Variants in EHMT1 observed in about 807,000 individuals in gnomAD.
EHMT1 encodes histone-lysine N-methyltransferase EHMT1.
Under a neutral mutation model 147.2 loss-of-function variants are expected in EHMT1, and 15 were observed. That is an observed-to-expected ratio of 0.10 (90% CI 0.07 to 0.16). The LOEUF is 0.16. Among genes scored for constraint, EHMT1 ranks in the 10% least tolerant of loss-of-function variants. EHMT1 has a pLI of 1.00. For missense variants in EHMT1, 1,587 were observed against 1,772.4 expected (o/e 0.90, Z 1.88); for synonymous variants, 795 against 709.6 (o/e 1.12, Z -1.91).
chr9:137,680,463 A>ACT lies in EHMT1; in HGVS notation c.22-30501_22-30500dup, dbSNP rs566261601. On this transcript the variant is annotated intron_variant, in intron 1 of 26. Coordinates refer to ENST00000460843, the MANE Select transcript of EHMT1 (RefSeq NM_024757.5). ...ACTCCAGCCTGGGCGACAGAGCCAGACTCTGTCTCAAAAAAACAATTATCA... is the reference window on the plus strand; with the variant it reads ...ACTCCAGCCTGGGCGACAGAGCCAGACTCTCTGTCTCAAAAAAACAATTATCA... 2.0e-5 allele frequency among the ~76,000 whole-genome samples: 3 copies of ACT among 152,262 alleles called. No homozygotes were observed. In the South Asian group the frequency reaches 6.2e-4, roughly 32 times the overall value.
chr9:137,720,467 C>T (rs543814500), intron 3 of EHMT1, among the ~76,000 whole-genome samples: 6 of 152,010 alleles, frequency 3.9e-5, no homozygotes, highest in Non-Finnish European at 2.9e-5. Flanking sequence ...CCCTGCCCGG[C>T]TGATTTTTAT....
intron 10 of EHMT1, among the ~76,000 whole-genome samples, chr9:137,774,250 C>T (rs1950780115): frequency 6.6e-6 from 1 of 152,282 alleles, no homozygotes; most frequent in East Asian, 1.9e-4. Context: ...TCCTTGACTT[C>T]TGCCAGAGTT....
intron 1 of EHMT1, among the ~76,000 whole-genome samples, chr9:137,659,099 A>G (rs1938793121): frequency 6.6e-6 from 1 of 152,094 alleles, no homozygotes; most frequent in African/African-American, 2.4e-5. Flanking sequence ...CTAATGTTGA[A>G]CATCTAAATA....
In EHMT1 at chr9:137,811,339, C is replaced by T. The variant is rs965380896; in HGVS notation, c.2713-122C>T. The T allele has an allele frequency of 3.2e-5, 44 of 1,382,842 alleles. No individual in the cohort carries two copies. The African/African-American group carries it at 4.5e-4, about 14-fold the overall frequency. The allele number at this position is 1,382,842 out of a possible 1,614,324, so 85.7% of individuals were successfully genotyped here. A position where few individuals can be genotyped will look rare whatever the true frequency, so the allele number is the denominator to read the frequency against. ...GCACCCTTTCCACCTGGCCCTGCTG[C>T]GGACGGCCACGCATGCTCCAGAGCC... On this transcript the variant is annotated intron_variant, in intron 18 of 26. Transcript: ENST00000460843.
intron 1 of EHMT1, among the ~76,000 whole-genome samples, chr9:137,705,081 C>G (rs972917339): frequency 2.6e-5 from 4 of 151,968 alleles, no homozygotes; most frequent in Middle Eastern, 3.4e-3. Context: ...TTGAACCAGC[C>G]TTGGTTCAAG....
intron 25 of EHMT1, among the ~76,000 whole-genome samples, chr9:137,829,037 C>T (rs986922854): frequency 3.9e-5 from 6 of 152,118 alleles, no homozygotes; most frequent in Non-Finnish European, 2.9e-5. Context: ...GTACAGAGCC[C>T]GGGTGGGGCA....
intron 7 of EHMT1, among the ~76,000 whole-genome samples, chr9:137,752,716 A>G (rs1949069343): frequency 6.6e-6 from 1 of 151,966 alleles, no homozygotes. Context: ...GCCGGCAGCA[A>G]GGACACCTGT....
intron 4 of EHMT1, among the ~76,000 whole-genome samples, chr9:137,739,079 A>G (rs1588456736): frequency 6.6e-6 from 1 of 152,010 alleles, no homozygotes; most frequent in Non-Finnish European, 1.5e-5. Context: ...CTAGTAAAAA[A>G]AAAAAAAACA....
At chr9:137,670,001 G>C (rs1229693033) in intron 1 of EHMT1, among the ~76,000 whole-genome samples, 1 of 152,046 alleles carries the variant, frequency 6.6e-6, no homozygotes, top group Admixed American at 6.6e-5. Context: ...GGGTTTACAG[G>C]TGTGTGCCAT....
Position 137,706,562 on chromosome 9 carries a change from C to T in EHMT1, c.22-4405C>T, listed in dbSNP as rs545917057. ...AGAGCAGTGGCGTGATCTCGGCTCA[C>T]TGCAACCTCCGCCTCCTGGGTTAAA... On this transcript the variant is annotated intron_variant, in intron 1 of 26. Transcript: ENST00000460843. 2.6e-4 allele frequency among the ~76,000 whole-genome samples: 39 copies of T among 152,350 alleles called. 2 individuals carry two copies. In the South Asian group the frequency reaches 8.1e-3, roughly 32 times the overall value.
intron 1 of EHMT1, among the ~76,000 whole-genome samples, chr9:137,635,099 T>A (rs1450182786): frequency 2.0e-5 from 3 of 151,942 alleles, no homozygotes; most frequent in African/African-American, 7.3e-5. Context: ...TGAAAGGGAT[T>A]GTGTTGAATA....
chr9:137,790,760 T>C (rs940687980), intron 15 of EHMT1, 88 bp from the exon 16 acceptor site: 33 of 1,597,992 alleles, frequency 2.1e-5, no homozygotes, highest in African/African-American at 2.7e-5. Context: ...GCTCTCTTTT[T>C]TTGAGTGTGG....
chr9:137,799,037 C>G, intron 17 of EHMT1, 123 bp downstream of exon 17: 1 of 828,474 alleles, frequency 1.2e-6, no homozygotes, highest in Non-Finnish European at 2.0e-6. Context: ...AGAGCCAGCT[C>G]GGGCCCTCCA....
intron 25 of EHMT1, among the ~76,000 whole-genome samples, chr9:137,826,053 C>G (rs1564832745): frequency 6.7e-6 from 1 of 148,502 alleles, no homozygotes; most frequent in African/African-American, 2.5e-5. Flanking sequence ...ATGTGAATAT[C>G]TGATTTATAT....
chr9:137,666,635 C>T (rs1451575636), intron 1 of EHMT1, among the ~76,000 whole-genome samples: 2 of 152,340 alleles, frequency 1.3e-5, no homozygotes, highest in East Asian at 3.9e-4. Flanking sequence ...GTGAGGATGG[C>T]ATTGACCACT....
intron 10 of EHMT1, among the ~76,000 whole-genome samples, chr9:137,774,498 GT>G: frequency 7.3e-6 from 1 of 137,070 alleles, no homozygotes; most frequent in African/African-American, 2.8e-5. Flanking sequence ...GGTGGGTATG[GT>G]CGCGCCTGGC....
At chr9:137,808,390 G>A (rs916969671) in intron 18 of EHMT1, among the ~76,000 whole-genome samples, 2 of 152,170 alleles carry the variant, frequency 1.3e-5, no homozygotes, top group African/African-American at 4.8e-5. Context: ...TCACAGACTC[G>A]CCTCTCAGGG....
At position 137,742,140 on chromosome 9, in the gene EHMT1, G is replaced by A. The variant is rs891706909; in HGVS notation, c.824-1231G>A. On this transcript the variant is annotated intron_variant, in intron 4 of 26. Coordinates refer to ENST00000460843, the MANE Select transcript of EHMT1 (RefSeq NM_024757.5). ...CTGGTGTGATCGTTTCCCAGCGTCC[G>A]TGGTCCCAGGCACCTCCTTACTCCA... Among the ~76,000 whole-genome samples the A allele has an allele frequency of 3.9e-5, 6 of 152,154 alleles. No homozygotes were observed. The East Asian group carries it at 1.2e-3, about 29-fold the overall frequency.
chr9:137,703,714 A>G (rs1420087495), intron 1 of EHMT1, among the ~76,000 whole-genome samples: 2 of 152,070 alleles, frequency 1.3e-5, no homozygotes, highest in African/African-American at 4.8e-5. Context: ...AAACCATTCA[A>G]AAAGCCTCTA....
Sources: gnomAD v4.1 joint callset for allele counts (sites outside exome capture counted in the v4.1 genomes callset) on GRCh38, gnomAD v4.1.1 for gene constraint, MANE v1.5 for transcripts, NCBI Gene and HGNC (gene_info 2026-07-23, HGNC 2026-07-21) for gene names.